Variants in TSC22D1 observed in about 807,000 individuals in gnomAD.
TSC22D1 encodes the protein TSC22 domain family member 1, also known as TSC22 domain family protein 1.
Under a neutral mutation model 74.2 loss-of-function variants are expected in TSC22D1, and 9 were observed. The observed-to-expected ratio is 0.12, with a 90% confidence interval of 0.07 to 0.21. The LOEUF (loss-of-function observed/expected upper bound fraction) is 0.21, where lower values mean the gene tolerates loss of function less well. Ranked by LOEUF, TSC22D1 falls within the 10% of genes least tolerant of loss-of-function variation. The probability of loss-of-function intolerance (pLI) is 1.00; values close to 1 mark genes in which losing one functional copy is unlikely to be tolerated. For missense variants in TSC22D1, 1,427 were observed against 1,304.7 expected (o/e 1.09, Z -1.44); for synonymous variants, 586 against 492.5 (o/e 1.19, Z -2.51).
At chr13:44,519,762 T>C (rs1880220421) in intron 1 of TSC22D1, among the ~76,000 whole-genome samples, 2 of 152,062 alleles carry the variant, frequency 1.3e-5, no homozygotes, top group South Asian at 4.2e-4. Flanking sequence ...GGAGACCAAT[T>C]AGAACTCTTG....
intron 1 of TSC22D1, among the ~76,000 whole-genome samples, chr13:44,485,577 G>C (rs1256055599): frequency 6.6e-6 from 1 of 151,988 alleles, no homozygotes; most frequent in African/African-American, 2.4e-5. Flanking sequence ...CTGGAAATGG[G>C]TACTCAGATA....
At chr13:44,488,443 T>C (rs888121271) in intron 1 of TSC22D1, among the ~76,000 whole-genome samples, 1 of 152,252 alleles carries the variant, frequency 6.6e-6, no homozygotes, top group Admixed American at 6.5e-5. Flanking sequence ...TTCACCTGTT[T>C]TTTGCTTTTT....
At chr13:44,463,868 T>G (rs1419829153) in intron 1 of TSC22D1, among the ~76,000 whole-genome samples, 1 of 152,172 alleles carries the variant, frequency 6.6e-6, no homozygotes, top group Non-Finnish European at 1.5e-5. Flanking sequence ...TAGCTTAAAT[T>G]TTCATATTCA....
intron 1 of TSC22D1, among the ~76,000 whole-genome samples, chr13:44,530,787 A>G (rs1014154855): frequency 4.6e-5 from 7 of 152,218 alleles, no homozygotes; most frequent in African/African-American, 7.2e-5. Context: ...TTGCAAATTA[A>G]AACAATGAGA....
At chr13:44,541,097 TTAGTG>T (rs2138097358) in intron 1 of TSC22D1, among the ~76,000 whole-genome samples, 1 of 152,328 alleles carries the variant, frequency 6.6e-6, no homozygotes, top group East Asian at 1.9e-4. Context: ...TCCTTACCTG[TTAGTG>T]GAACGAGGAT....
intron 1 of TSC22D1, among the ~76,000 whole-genome samples, chr13:44,564,684 G>C (rs2138211812): frequency 6.6e-6 from 1 of 152,166 alleles, no homozygotes; most frequent in African/African-American, 2.4e-5. Context: ...GCTTAAAAGG[G>C]GTTCTGGCCA....
chr13:44,551,488 T>G (rs961966348), intron 1 of TSC22D1, among the ~76,000 whole-genome samples: 1 of 151,660 alleles, frequency 6.6e-6, no homozygotes, highest in Non-Finnish European at 1.5e-5. Flanking sequence ...TGGCACAATC[T>G]TAGCTCACTG....
At chr13:44,448,822 G>C (rs1875890759) in intron 1 of TSC22D1, among the ~76,000 whole-genome samples, 1 of 152,134 alleles carries the variant, frequency 6.6e-6, no homozygotes. Flanking sequence ...TCAACTGTTG[G>C]ATGGAGCATA....
intron 1 of TSC22D1, among the ~76,000 whole-genome samples, chr13:44,499,632 C>T (rs932936159): frequency 6.6e-6 from 1 of 152,150 alleles, no homozygotes; most frequent in Non-Finnish European, 1.5e-5. Context: ...CAAAGCATTT[C>T]CCCCAAGTTA....
intron 1 of TSC22D1, among the ~76,000 whole-genome samples, chr13:44,524,676 A>G (rs1342853658): frequency 6.6e-6 from 1 of 152,108 alleles, no homozygotes; most frequent in Non-Finnish European, 1.5e-5. Context: ...CCTCCTGAGT[A>G]TTAACAGCAC....
chr13:44,556,770 G>A (rs1882668292), intron 1 of TSC22D1, among the ~76,000 whole-genome samples: 1 of 152,116 alleles, frequency 6.6e-6, no homozygotes, highest in African/African-American at 2.4e-5. Flanking sequence ...GGAGGCTGAG[G>A]CAGGAGAATC....
rs9595136 is a variant in TSC22D1 at position 44,491,570 on chromosome 13, G to A, written c.2913-55475C>T. Among the ~76,000 whole-genome samples the A allele has an allele frequency of 1.6e-3, 240 of 146,102 alleles. 2 individuals carry two copies. Among genetic ancestry groups the A allele is most frequent in the South Asian group, 0.014 (66 of 4,624 alleles). ...CTCCGTCTCAAAAAAAAAAAAAAAA[G>A]AAAAAAGAAAAGATTAGTATCCAGA... On this transcript the variant is annotated intron_variant, in intron 1 of 2. Coordinates refer to ENST00000458659, the MANE Select transcript of TSC22D1 (RefSeq NM_183422.4).
intron 1 of TSC22D1, among the ~76,000 whole-genome samples, chr13:44,517,774 T>TACATATATACACATATATATATATAC (rs745957780): frequency 3.3e-5 from 4 of 120,168 alleles, no homozygotes; most frequent in Admixed American, 9.3e-5. Context: ...TATATATATA[T>TACATATATACACATATATATATATAC]ATACACATAT....
At chr13:44,448,528 C>T (rs996033088) in intron 1 of TSC22D1, among the ~76,000 whole-genome samples, 1 of 152,094 alleles carries the variant, frequency 6.6e-6, no homozygotes, top group African/African-American at 2.4e-5. Context: ...TAGTACAGGC[C>T]TAGGTAAGCA....
chr13:44,577,252 G>A (rs1884310877), upstream of TSC22D1: 1 of 152,524 alleles, frequency 6.6e-6, no homozygotes, highest in Non-Finnish European at 1.5e-5. Flanking sequence ...GCGGGGAGGG[G>A]GCTGTGGTGG....
chr13:44,541,255 G>A (rs1170441256), intron 1 of TSC22D1, among the ~76,000 whole-genome samples: 1 of 152,126 alleles, frequency 6.6e-6, no homozygotes, highest in Non-Finnish European at 1.5e-5. Flanking sequence ...ACCAAAAGCT[G>A]AAAAGGAATG....
chr13:44,478,138 T>C (rs1431689133), intron 1 of TSC22D1, among the ~76,000 whole-genome samples: 1 of 152,152 alleles, frequency 6.6e-6, no homozygotes, highest in African/African-American at 2.4e-5. Context: ...AGCAGAACTA[T>C]TTTTAAATTA....
Position 44,575,373 on chromosome 13 carries a change from A to G in TSC22D1, c.702T>C (p.His234=), listed in dbSNP as rs1166580883. 1 of 1,614,082 alleles carries G rather than the reference A, an allele frequency of 6.2e-7. No individual in the cohort carries two copies. The highest frequency in any genetic ancestry group is 1.7e-5 in the Admixed American group (1 of 60,010). ...HQIHHGHHLQ[H]GHHHPSHVAV... is the part of the protein sequence containing the mutation. Reference sequence around the variant, plus strand: ...CAACATGAGATGGATGGTGGTGACCATGTTGGAGGTGGTGCCCATGATGAA... The same window carrying G: ...CAACATGAGATGGATGGTGGTGACCGTGTTGGAGGTGGTGCCCATGATGAA... The change falls in exon 1 of 3, where the codon CAT becomes CAC. Residue 234 remains histidine, a synonymous_variant. Transcript: ENST00000458659.
chr13:44,523,451 G>GA (rs1880407292), intron 1 of TSC22D1, among the ~76,000 whole-genome samples: 1 of 152,090 alleles, frequency 6.6e-6, no homozygotes, highest in Non-Finnish European at 1.5e-5. Context: ...ACAATAATAA[G>GA]AAATGAGCTC....
Sources: allele counts gnomAD v4.1 joint callset (sites outside exome capture counted in the v4.1 genomes callset), GRCh38; gene constraint gnomAD v4.1.1; transcripts MANE v1.5; gene names NCBI Gene and HGNC (gene_info 2026-07-23, HGNC 2026-07-21).